CNTNAP5: variants seen among roughly 807,000 people sequenced by gnomAD.
CNTNAP5 encodes the protein contactin-associated protein-like 5.
CNTNAP5 carries 72 observed loss-of-function variants against 150.2 expected under a neutral mutation model. The ratio of observed to expected loss-of-function variants is 0.48; its 90% CI spans 0.40 to 0.58. The LOEUF (loss-of-function observed/expected upper bound fraction) is 0.58, where lower values mean the gene tolerates loss of function less well. CNTNAP5 is among the 20% of genes least tolerant of loss of function. The pLI is 0.00. For synonymous variants in CNTNAP5, 672 were observed against 619.8 expected, an observed-to-expected ratio of 1.08 and a Z score of -1.25; for missense variants, 1,636 against 1,626.2, an observed-to-expected ratio of 1.01 and a Z score of -0.10.
intron 19 of CNTNAP5, among the ~76,000 whole-genome samples, chr2:124,813,271 G>T (rs1399118135): frequency 6.6e-6 from 1 of 151,498 alleles, no homozygotes; most frequent in Non-Finnish European, 1.5e-5. Flanking sequence ...TAGAGACAGG[G>T]TTTCACCATT....
In CNTNAP5 at chr2:124,763,742, G is replaced by A. The variant is rs779655794; in HGVS notation, c.2305G>A (p.Asp769Asn). 6.2e-6 allele frequency: 10 copies of A among 1,612,862 alleles called. No homozygotes were observed. Among genetic ancestry groups the A allele is most frequent in the African/African-American group, 2.7e-5 (2 of 74,852 alleles). The change falls in exon 15 of 24, where the codon GAC becomes AAC. Residue 769 changes from aspartate to asparagine, a missense_variant. Asp to Asn is a conservative substitution (Grantham distance 23). Transcript: ENST00000682447. ...CACTCAGATAGTTATCACTGATACC[G>A]ACAGATCAAACTCAGAAGCCGCTTG... ...PVTQIVITDT[D>N]RSNSEAAWRI...
chr2:124,174,754 G>A (rs1468420378), intron 1 of CNTNAP5, among the ~76,000 whole-genome samples: 1 of 152,164 alleles, frequency 6.6e-6, no homozygotes, highest in African/African-American at 2.4e-5. Flanking sequence ...TTTGAAAAAC[G>A]TTCTACTTTG....
chr2:124,212,661 A>T (rs1360462866), intron 1 of CNTNAP5, among the ~76,000 whole-genome samples: 1 of 152,082 alleles, frequency 6.6e-6, no homozygotes, highest in South Asian at 2.1e-4. Context: ...ACACTGTCAG[A>T]GTGATGCCTT....
chr2:124,372,950 G>A (rs1690564717), intron 3 of CNTNAP5, among the ~76,000 whole-genome samples: 1 of 152,092 alleles, frequency 6.6e-6, no homozygotes, highest in Admixed American at 6.6e-5. Flanking sequence ...CAACCTGATG[G>A]TTGAAGCACA....
intron 12 of CNTNAP5, among the ~76,000 whole-genome samples, chr2:124,645,438 C>T (rs1298263578): frequency 1.3e-5 from 2 of 152,144 alleles, no homozygotes; most frequent in Non-Finnish European, 2.9e-5. Context: ...TGTGATAGTA[C>T]ATACCTGTGG....
At chr2:124,342,037 C>T (rs902034212) in intron 3 of CNTNAP5, among the ~76,000 whole-genome samples, 2 of 152,094 alleles carry the variant, frequency 1.3e-5, no homozygotes, top group African/African-American at 4.8e-5. Flanking sequence ...AAATTACAAG[C>T]AAAGGATAAA....
chr2:124,211,740 C>G (rs560608852), intron 1 of CNTNAP5, among the ~76,000 whole-genome samples: 17 of 152,306 alleles, frequency 1.1e-4, no homozygotes, highest in Admixed American at 2.6e-4. Context: ...CAACTCAAGC[C>G]TATCTTTCTA....
At chr2:124,451,711 G>A (rs1410946964) in intron 6 of CNTNAP5, among the ~76,000 whole-genome samples, 37 of 152,052 alleles carry the variant, frequency 2.4e-4, no homozygotes, top group Non-Finnish European at 5.9e-5. Context: ...CAAATACTGC[G>A]AGTGCCCAAA....
chr2:124,387,390 C>A (rs1450057720), intron 3 of CNTNAP5, among the ~76,000 whole-genome samples: 3 of 152,220 alleles, frequency 2.0e-5, no homozygotes, highest in Admixed American at 2.0e-4. Flanking sequence ...AAGAGACTAC[C>A]AAACAGGCTT....
At chr2:124,461,166 C>G (rs1693240315) in intron 6 of CNTNAP5, among the ~76,000 whole-genome samples, 1 of 152,070 alleles carries the variant, frequency 6.6e-6, no homozygotes, top group African/African-American at 2.4e-5. Context: ...ACCCAGCCAT[C>G]CCATTACTGG....
chr2:124,511,657 T>C (rs1694594109), intron 8 of CNTNAP5, among the ~76,000 whole-genome samples: 2 of 152,198 alleles, frequency 1.3e-5, no homozygotes, highest in South Asian at 2.1e-4. Context: ...CTTATTATCT[T>C]CAAAGAAATC....
At chr2:124,108,986 T>C (rs1473815732) in intron 1 of CNTNAP5, among the ~76,000 whole-genome samples, 2 of 151,996 alleles carry the variant, frequency 1.3e-5, no homozygotes, top group African/African-American at 4.8e-5. Flanking sequence ...AACCCTAACA[T>C]AAGAGCTTTC....
intron 3 of CNTNAP5, among the ~76,000 whole-genome samples, chr2:124,316,582 G>A (rs1357118452): frequency 6.6e-6 from 1 of 152,004 alleles, no homozygotes; most frequent in Admixed American, 6.6e-5. Context: ...AAGGCAGGCA[G>A]ATCATGAGGT....
intron 1 of CNTNAP5, among the ~76,000 whole-genome samples, chr2:124,039,743 T>C (rs1169975671): frequency 6.6e-6 from 1 of 152,174 alleles, no homozygotes; most frequent in African/African-American, 2.4e-5. Flanking sequence ...ATCCCAAATG[T>C]CCCTGCTTTG....
chr2:124,273,423 C>T (rs1394248267), intron 3 of CNTNAP5, among the ~76,000 whole-genome samples: 1 of 152,156 alleles, frequency 6.6e-6, no homozygotes, highest in Non-Finnish European at 1.5e-5. Context: ...CTGCTCTCGT[C>T]CTCATTTAAT....
intron 1 of CNTNAP5, among the ~76,000 whole-genome samples, chr2:124,145,711 G>C (rs1684223023): frequency 7.4e-6 from 1 of 134,420 alleles, no homozygotes; most frequent in Admixed American, 7.6e-5. Flanking sequence ...ACGTTAGTGG[G>C]TGCAGTGCAC....
intron 12 of CNTNAP5, among the ~76,000 whole-genome samples, chr2:124,633,178 C>T (rs1573511072): frequency 6.6e-6 from 1 of 152,260 alleles, no homozygotes; most frequent in Non-Finnish European, 1.5e-5. Context: ...ACCCAACAGT[C>T]CCCCTAAATT....
chr2:124,372,275 G>T (rs934406321), intron 3 of CNTNAP5, among the ~76,000 whole-genome samples: 1 of 152,014 alleles, frequency 6.6e-6, no homozygotes, highest in African/African-American at 2.4e-5. Context: ...ACTGGGGACT[G>T]TGCTATTGGC....
At chr2:124,704,582 A>G (rs1016995497) in intron 13 of CNTNAP5, among the ~76,000 whole-genome samples, 2 of 152,204 alleles carry the variant, frequency 1.3e-5, no homozygotes, top group East Asian at 3.9e-4. Flanking sequence ...AATTGATGAG[A>G]CAGAGTACTT....
Sources: allele counts gnomAD v4.1 joint callset (sites outside exome capture counted in the v4.1 genomes callset), GRCh38; gene constraint gnomAD v4.1.1; transcripts MANE v1.5; gene names NCBI Gene and HGNC (gene_info 2026-07-23, HGNC 2026-07-21).